Variants in SLC25A21 observed in about 807,000 individuals in gnomAD.
SLC25A21 encodes mitochondrial 2-oxodicarboxylate carrier.
A neutral mutation model predicts 43.8 loss-of-function variants in SLC25A21; 47 were observed. The observed-to-expected ratio is 1.07, with a 90% confidence interval of 0.85 to 1.37. SLC25A21 has a LOEUF of 1.37. Among genes scored for constraint, SLC25A21 ranks in the 40% most tolerant of loss-of-function variants. The pLI is 0.00. For missense variants in SLC25A21, 352 were observed against 350.2 expected (o/e 1.00, Z -0.04); for synonymous variants, 131 against 121.3 (o/e 1.08, Z -0.52).
intron 1 of SLC25A21, among the ~76,000 whole-genome samples, chr14:37,117,995 A>C (rs1433890922): frequency 6.6e-6 from 1 of 151,834 alleles, no homozygotes; most frequent in East Asian, 1.9e-4. Flanking sequence ...TCCTCCCAAA[A>C]AGCTTAATTT....
chr14:36,837,455 C>T (rs183290230), intron 2 of SLC25A21, among the ~76,000 whole-genome samples: 1 of 152,002 alleles, frequency 6.6e-6, no homozygotes, highest in African/African-American at 2.4e-5. Context: ...GTCGCTTTGC[C>T]AATACAGAGC....
At chr14:36,875,300 G>C (rs923126260) in intron 1 of SLC25A21, among the ~76,000 whole-genome samples, 2 of 152,070 alleles carry the variant, frequency 1.3e-5, no homozygotes, top group East Asian at 3.9e-4. Flanking sequence ...CAACTGGGTG[G>C]GAGTTATGGC....
intron 1 of SLC25A21, among the ~76,000 whole-genome samples, chr14:36,946,264 G>A (rs996129829): frequency 4.6e-5 from 7 of 152,096 alleles, no homozygotes; most frequent in African/African-American, 7.2e-5. Context: ...GCTTTAAAGC[G>A]TCAAGGATCT....
intron 3 of SLC25A21, among the ~76,000 whole-genome samples, chr14:36,764,044 G>GA: frequency 3.0e-5 from 1 of 33,610 alleles, no homozygotes; most frequent in African/African-American, 1.5e-4. Context: ...GAAAAAGAAA[G>GA]AAAGAAAGAA....
intron 5 of SLC25A21, among the ~76,000 whole-genome samples, chr14:36,728,162 A>G (rs1205322396): frequency 6.6e-6 from 1 of 152,156 alleles, no homozygotes; most frequent in Non-Finnish European, 1.5e-5. Context: ...GGGACATTTA[A>G]CAGCTGTTTA....
chr14:37,096,493 A>G (rs1962696936), intron 1 of SLC25A21, among the ~76,000 whole-genome samples: 1 of 152,172 alleles, frequency 6.6e-6, no homozygotes, highest in Non-Finnish European at 1.5e-5. Context: ...TTTAAGGCCA[A>G]TAATTCTTAG....
intron 7 of SLC25A21, among the ~76,000 whole-genome samples, chr14:36,702,475 C>CAAAAAAA (rs1213350246): frequency 5.2e-4 from 34 of 65,976 alleles, no homozygotes; most frequent in African/African-American, 1.1e-3. Flanking sequence ...CCTGTCTCCA[C>CAAAAAAA]AAAAAAAAAA....
At chr14:37,148,883 A>G (rs1343322658) in intron 1 of SLC25A21, among the ~76,000 whole-genome samples, 2 of 152,250 alleles carry the variant, frequency 1.3e-5, no homozygotes, top group Admixed American at 6.5e-5. Flanking sequence ...GGAATACTAC[A>G]TATTATGTAA....
At chr14:37,110,507 A>G (rs1020612877) in intron 1 of SLC25A21, among the ~76,000 whole-genome samples, 1 of 152,178 alleles carries the variant, frequency 6.6e-6, no homozygotes, top group African/African-American at 2.4e-5. Context: ...TAGCAAGTAC[A>G]GACACAAGTT....
intron 9 of SLC25A21, among the ~76,000 whole-genome samples, chr14:36,683,168 C>T (rs997986154): frequency 6.6e-6 from 1 of 152,196 alleles, no homozygotes. Context: ...TTTGCCCTGG[C>T]GGTTGAGTCT....
chr14:37,111,548 C>G (rs1482561467), intron 1 of SLC25A21, among the ~76,000 whole-genome samples: 1 of 152,038 alleles, frequency 6.6e-6, no homozygotes, highest in Non-Finnish European at 1.5e-5. Flanking sequence ...TCATTCACTT[C>G]TGGTTTGAAA....
intron 3 of SLC25A21, among the ~76,000 whole-genome samples, chr14:36,771,051 T>TA (rs34903896): frequency 0.17 from 26,120 of 152,174 alleles, 2,717 homozygotes; most frequent in East Asian, 0.39. Flanking sequence ...CAGTAACTGA[T>TA]ATGTCAACAT....
At chr14:36,721,011 G>A (rs1440367277) in intron 6 of SLC25A21, among the ~76,000 whole-genome samples, 1 of 152,188 alleles carries the variant, frequency 6.6e-6, no homozygotes, top group Non-Finnish European at 1.5e-5. Context: ...CACAACTGGA[G>A]TCAGCTGTGA....
At chr14:37,123,224 G>C (rs1320041297) in intron 1 of SLC25A21, among the ~76,000 whole-genome samples, 1 of 152,190 alleles carries the variant, frequency 6.6e-6, no homozygotes, top group Admixed American at 6.5e-5. Flanking sequence ...TGGGGAGATG[G>C]AGGTAGAAAG....
intron 1 of SLC25A21, among the ~76,000 whole-genome samples, chr14:36,920,934 C>A (rs191817754): frequency 6.6e-6 from 1 of 152,120 alleles, no homozygotes; most frequent in Non-Finnish European, 1.5e-5. Context: ...AGTTAATTCA[C>A]TCATCATTTA....
chr14:37,115,600 C>A (rs1963093025), intron 1 of SLC25A21, among the ~76,000 whole-genome samples: 1 of 152,146 alleles, frequency 6.6e-6, no homozygotes, highest in South Asian at 2.1e-4. Flanking sequence ...AGTGGTGGTT[C>A]CTCCTAGAAA....
intron 1 of SLC25A21, among the ~76,000 whole-genome samples, chr14:36,936,355 C>T (rs1332088402): frequency 6.6e-6 from 1 of 152,088 alleles, no homozygotes; most frequent in East Asian, 1.9e-4. Flanking sequence ...CACCCCTCTC[C>T]ATCTCCCGGC....
chr14:36,974,027 A>G (rs1020050884), intron 1 of SLC25A21, among the ~76,000 whole-genome samples: 3 of 152,090 alleles, frequency 2.0e-5, no homozygotes, highest in Non-Finnish European at 4.4e-5. Context: ...TATGAGAGGG[A>G]AAAAAAAGAG....
intron 1 of SLC25A21, among the ~76,000 whole-genome samples, chr14:36,879,506 A>G (rs908266341): frequency 6.6e-6 from 1 of 152,134 alleles, no homozygotes; most frequent in Admixed American, 6.6e-5. Context: ...GTTAGTGAGC[A>G]TGACTATATC....
Sources: allele counts gnomAD v4.1 joint callset (sites outside exome capture counted in the v4.1 genomes callset), GRCh38; gene constraint gnomAD v4.1.1; transcripts MANE v1.5; gene names NCBI Gene and HGNC (gene_info 2026-07-23, HGNC 2026-07-21).